Variants in WDPCP observed in about 807,000 individuals in gnomAD.
The protein encoded by WDPCP is WD repeat-containing and planar cell polarity effector protein fritz homolog.
WDPCP carries 71 observed loss-of-function variants against 93.1 expected under a neutral mutation model. The ratio of observed to expected loss-of-function variants is 0.76; its 90% confidence interval spans 0.63 to 0.93. The LOEUF (loss-of-function observed/expected upper bound fraction) is 0.93. Among genes scored for constraint, WDPCP ranks in the 40% least tolerant of loss-of-function variants. The pLI is 0.00. For missense variants in WDPCP, 844 were observed against 887.4 expected (o/e 0.95, Z 0.62); for synonymous variants, 315 against 315.0 (o/e 1.00, Z 0.00).
At chr2:63,335,721 G>C (rs1010888228) in intron 12 of WDPCP, among the ~76,000 whole-genome samples, 1 of 152,126 alleles carries the variant, frequency 6.6e-6, no homozygotes, top group African/African-American at 2.4e-5. Context: ...ACGTGAACCG[G>C]AGCAACTCCA....
rs183800283 is a variant in WDPCP at position 63,266,545 on chromosome 2, C to T, written c.1813-7136G>A. ...GATATCGGCTGGGCACGGTGGCTCACGCCTGTAATCCCAGCACTTTGGGAC... is the reference window on the plus strand; with the variant it reads ...GATATCGGCTGGGCACGGTGGCTCATGCCTGTAATCCCAGCACTTTGGGAC... On this transcript the variant is annotated intron_variant, in intron 13 of 17. Coordinates refer to ENST00000272321, the MANE Select transcript of WDPCP (RefSeq NM_015910.7). Among the ~76,000 whole-genome samples, 780 of 152,286 alleles carry T rather than the reference C, an allele frequency of 5.1e-3. 6 individuals are homozygous for T. The highest frequency in any genetic ancestry group is 0.018 in the African/African-American group (751 of 41,578).
chr2:63,290,800 T>C (rs1318888392), intron 13 of WDPCP, among the ~76,000 whole-genome samples: 2 of 151,988 alleles, frequency 1.3e-5, no homozygotes, highest in African/African-American at 4.8e-5. Context: ...TGTTGCTCTT[T>C]TTTGTTTCCT....
At chr2:63,733,494 G>T (rs918783350) in intron 2 of WDPCP, among the ~76,000 whole-genome samples, 1 of 147,086 alleles carries the variant, frequency 6.8e-6, no homozygotes, top group African/African-American at 2.5e-5. Flanking sequence ...GAGCCACCGC[G>T]CCCGGCCGCC....
chr2:63,738,803 A>T (rs926473056), intron 2 of WDPCP, among the ~76,000 whole-genome samples: 1 of 152,162 alleles, frequency 6.6e-6, no homozygotes, highest in African/African-American at 2.4e-5. Flanking sequence ...AATTTTCACA[A>T]CTGAACACAC....
chr2:63,824,192 C>A (rs757893116), intron 1 of WDPCP, among the ~76,000 whole-genome samples: 2 of 152,040 alleles, frequency 1.3e-5, no homozygotes, highest in African/African-American at 2.4e-5. Flanking sequence ...GACAGTTCCT[C>A]CTCCACATCT....
intron 6 of WDPCP, among the ~76,000 whole-genome samples, chr2:63,468,531 G>A (rs1699497095): frequency 6.6e-6 from 1 of 152,080 alleles, no homozygotes; most frequent in African/African-American, 2.4e-5. Flanking sequence ...TAAGTAACAT[G>A]ATATGTTAGT....
At chr2:63,548,569 T>G (rs1298124861) in intron 1 of WDPCP, among the ~76,000 whole-genome samples, 4 of 152,120 alleles carry the variant, frequency 2.6e-5, no homozygotes, top group Non-Finnish European at 5.9e-5. Flanking sequence ...TGTACTCTTC[T>G]AAAACTCAAT....
At chr2:63,474,168 A>T (rs1421743471) in intron 6 of WDPCP, among the ~76,000 whole-genome samples, 1 of 152,186 alleles carries the variant, frequency 6.6e-6, no homozygotes, top group East Asian at 1.9e-4. Flanking sequence ...TATTCAGGTA[A>T]TATAGAACTT....
At chr2:63,353,084 C>T (rs1255441117) in intron 12 of WDPCP, among the ~76,000 whole-genome samples, 1 of 152,028 alleles carries the variant, frequency 6.6e-6, no homozygotes, top group Non-Finnish European at 1.5e-5. Context: ...CAACACAGAG[C>T]CAGGGAAGCA....
At chr2:63,347,428 C>T (rs182213837) in intron 12 of WDPCP, among the ~76,000 whole-genome samples, 151 of 152,206 alleles carry the variant, frequency 9.9e-4, no homozygotes, top group Middle Eastern at 3.4e-3. Flanking sequence ...TCTGGCAACC[C>T]TTAACTTGTC....
intron 1 of WDPCP, among the ~76,000 whole-genome samples, chr2:63,585,632 C>T (rs369607696): frequency 2.8e-4 from 42 of 152,072 alleles, no homozygotes; most frequent in African/African-American, 8.7e-4. Context: ...AATGTAAAGG[C>T]ATCTTTACAT....
At chr2:63,250,058 T>G (rs1574979974) in intron 14 of WDPCP, among the ~76,000 whole-genome samples, 1 of 152,194 alleles carries the variant, frequency 6.6e-6, no homozygotes, top group African/African-American at 2.4e-5. Context: ...AGTTGAGAAC[T>G]TTCACCTTTT....
intron 2 of WDPCP, among the ~76,000 whole-genome samples, chr2:63,666,363 G>A (rs923939110): frequency 1.3e-5 from 2 of 152,208 alleles, no homozygotes; most frequent in Non-Finnish European, 2.9e-5. Flanking sequence ...TGCCTGCTGT[G>A]TGTTTTCATT....
intron 2 of WDPCP, chr2:63,717,302 C>T: frequency 1.9e-6 from 1 of 534,234 alleles, no homozygotes; most frequent in Admixed American, 2.0e-5. Context: ...AAGATGGTGG[C>T]AGGCCAAATC....
At chr2:63,324,009 C>G (rs1013593394) in intron 12 of WDPCP, among the ~76,000 whole-genome samples, 1 of 152,022 alleles carries the variant, frequency 6.6e-6, no homozygotes, top group African/African-American at 2.4e-5. Flanking sequence ...GAAATGCATC[C>G]TAAGCCATTG....
chr2:63,217,351 C>T (rs1454766926), intron 14 of WDPCP, among the ~76,000 whole-genome samples: 1 of 152,100 alleles, frequency 6.6e-6, no homozygotes, highest in Non-Finnish European at 1.5e-5. Context: ...ACTGTGTGGC[C>T]CACAAAACCT....
intron 2 of WDPCP, among the ~76,000 whole-genome samples, chr2:63,666,796 C>T (rs1352145247): frequency 6.6e-6 from 1 of 152,128 alleles, no homozygotes; most frequent in African/African-American, 2.4e-5. Flanking sequence ...AAATCCTACC[C>T]CATGTCAATA....
At chr2:63,323,425 ATC>A (rs1558468718) in intron 12 of WDPCP, among the ~76,000 whole-genome samples, 1 of 152,220 alleles carries the variant, frequency 6.6e-6, no homozygotes, top group Non-Finnish European at 1.5e-5. Flanking sequence ...AGGGGGGACT[ATC>A]TGGAATTTTA....
At chr2:63,489,515 G>C (rs575325788) in intron 2 of WDPCP, among the ~76,000 whole-genome samples, 1 of 152,138 alleles carries the variant, frequency 6.6e-6, no homozygotes, top group Admixed American at 6.5e-5. Flanking sequence ...CCTCTAAAAG[G>C]AACAAAGCTC....
Sources: gnomAD v4.1 joint callset for allele counts (sites outside exome capture counted in the v4.1 genomes callset) on GRCh38, gnomAD v4.1.1 for gene constraint, MANE v1.5 for transcripts, NCBI Gene and HGNC (gene_info 2026-07-23, HGNC 2026-07-21) for gene names.